Variants in SLC24A3 observed in about 807,000 individuals in gnomAD.
SLC24A3 encodes the protein solute carrier family 24 member 3.
A neutral mutation model predicts 75.8 loss-of-function variants in SLC24A3; 28 were observed. The ratio of observed to expected loss-of-function variants is 0.37; its 90% CI spans 0.27 to 0.51. The LOEUF is 0.51. Among genes scored for constraint, SLC24A3 ranks in the 20% least tolerant of loss-of-function variants. SLC24A3 has a pLI of 0.94. For missense variants in SLC24A3, 663 were observed against 847.8 expected (o/e 0.78, Z 2.71); for synonymous variants, 372 against 334.1 (o/e 1.11, Z -1.24).
At chr20:19,276,754 A>C (rs1983499946) in intron 1 of SLC24A3, among the ~76,000 whole-genome samples, 1 of 151,984 alleles carries the variant, frequency 6.6e-6, no homozygotes, top group South Asian at 2.1e-4. Context: ...AAAATAATAA[A>C]ATTAGCTGGA....
intron 2 of SLC24A3, among the ~76,000 whole-genome samples, chr20:19,332,203 C>A (rs1471098276): frequency 6.6e-6 from 1 of 152,164 alleles, no homozygotes; most frequent in African/African-American, 2.4e-5. Context: ...TTAATGAATT[C>A]ATGTCTCCAT....
chr20:19,525,438 A>C (rs766821165), intron 3 of SLC24A3, among the ~76,000 whole-genome samples: 15 of 152,142 alleles, frequency 9.9e-5, no homozygotes. Flanking sequence ...GGCAGCCCTG[A>C]GGGTCTGTGG....
At chr20:19,271,776 A>G (rs1402079344) in intron 1 of SLC24A3, among the ~76,000 whole-genome samples, 3 of 152,056 alleles carry the variant, frequency 2.0e-5, no homozygotes, top group South Asian at 2.1e-4. Flanking sequence ...CATAAGTGGG[A>G]GCTAAGCTAT....
chr20:19,329,073 A>G (rs1052321641), intron 2 of SLC24A3, among the ~76,000 whole-genome samples: 3 of 152,178 alleles, frequency 2.0e-5, no homozygotes, highest in Non-Finnish European at 4.4e-5. Flanking sequence ...GGACAGGAAG[A>G]GTTGTGGTGC....
intron 2 of SLC24A3, among the ~76,000 whole-genome samples, chr20:19,512,149 G>A (rs941662901): frequency 6.6e-6 from 1 of 152,200 alleles, no homozygotes; most frequent in African/African-American, 2.4e-5. Context: ...AGAGGAGACA[G>A]TTTTGATAGA....
intron 2 of SLC24A3, among the ~76,000 whole-genome samples, chr20:19,337,927 G>A (rs1985173748): frequency 6.6e-6 from 1 of 152,080 alleles, no homozygotes; most frequent in Non-Finnish European, 1.5e-5. Flanking sequence ...TGGTGGCAGG[G>A]GTGGCACAGC....
chr20:19,480,257 G>T (rs1357930342), intron 2 of SLC24A3, among the ~76,000 whole-genome samples: 1 of 152,134 alleles, frequency 6.6e-6, no homozygotes, highest in Non-Finnish European at 1.5e-5. Context: ...AGATGAGTGA[G>T]CTAAGAGAAG....
At chr20:19,419,623 G>A (rs900894137) in intron 2 of SLC24A3, among the ~76,000 whole-genome samples, 3 of 152,098 alleles carry the variant, frequency 2.0e-5, no homozygotes, top group Non-Finnish European at 2.9e-5. Context: ...CCTGAGGGGA[G>A]GGATGTGAAG....
chr20:19,706,899 C>G (rs1278572859), intron 15 of SLC24A3, among the ~76,000 whole-genome samples: 1 of 152,130 alleles, frequency 6.6e-6, no homozygotes, highest in African/African-American at 2.4e-5. Context: ...TGCTAAGTAA[C>G]AAAAGGCATG....
intron 2 of SLC24A3, among the ~76,000 whole-genome samples, chr20:19,498,673 T>G (rs1433951531): frequency 6.6e-6 from 1 of 152,110 alleles, no homozygotes; most frequent in Non-Finnish European, 1.5e-5. Flanking sequence ...GTGAGATAAA[T>G]AGTGGCAGAT....
chr20:19,349,405 G>A (rs1423271241), intron 2 of SLC24A3, among the ~76,000 whole-genome samples: 2 of 152,148 alleles, frequency 1.3e-5, no homozygotes, highest in African/African-American at 4.8e-5. Context: ...TACTTAGTAT[G>A]TATTATCAGA....
chr20:19,660,015 A>G (rs779576033), intron 7 of SLC24A3, among the ~76,000 whole-genome samples: 1 of 152,166 alleles, frequency 6.6e-6, no homozygotes, highest in Non-Finnish European at 1.5e-5. Flanking sequence ...AAGTCTGTCC[A>G]TCACCGGCAG....
chr20:19,517,069 A>G (rs547867225), intron 3 of SLC24A3, among the ~76,000 whole-genome samples: 1 of 152,308 alleles, frequency 6.6e-6, no homozygotes, highest in South Asian at 2.1e-4. Context: ...ACATTCTCTA[A>G]AAATACCAAA....
intron 1 of SLC24A3, chr20:19,213,237 G>C (rs955903018): frequency 3.0e-5 from 8 of 266,956 alleles, no homozygotes; most frequent in African/African-American, 1.8e-4. Flanking sequence ...ACCTGTGCCC[G>C]CCTGTGCGCT....
At chr20:19,458,717 T>G (rs1388969923) in intron 2 of SLC24A3, among the ~76,000 whole-genome samples, 1 of 152,224 alleles carries the variant, frequency 6.6e-6, no homozygotes, top group Non-Finnish European at 1.5e-5. Flanking sequence ...ATATTCCATT[T>G]TATATACATC....
At chr20:19,213,461 G>C (rs1166748244) in intron 1 of SLC24A3, 3 of 152,592 alleles carry the variant, frequency 2.0e-5, no homozygotes, top group Non-Finnish European at 2.9e-5. Flanking sequence ...GGGATGGCCC[G>C]AGTAGAGAGC....
At chr20:19,382,579 G>T (rs1986200673) in intron 2 of SLC24A3, among the ~76,000 whole-genome samples, 1 of 152,086 alleles carries the variant, frequency 6.6e-6, no homozygotes, top group South Asian at 2.1e-4. Flanking sequence ...TCAAGCCCTG[G>T]GTGTAACGAG....
intron 1 of SLC24A3, among the ~76,000 whole-genome samples, chr20:19,233,969 C>T (rs1355798530): frequency 1.3e-5 from 2 of 152,220 alleles, no homozygotes; most frequent in Non-Finnish European, 2.9e-5. Flanking sequence ...CTCTAGCCTC[C>T]TGAAAGATGC....
chr20:19,217,044 C>T (rs928721744), intron 1 of SLC24A3, among the ~76,000 whole-genome samples: 2 of 152,218 alleles, frequency 1.3e-5, no homozygotes, highest in East Asian at 1.9e-4. Flanking sequence ...CCTCTCCATG[C>T]GATCTCTTTA....
Sources: allele counts gnomAD v4.1 joint callset (sites outside exome capture counted in the v4.1 genomes callset), GRCh38; gene constraint gnomAD v4.1.1; transcripts MANE v1.5; gene names NCBI Gene and HGNC (gene_info 2026-07-23, HGNC 2026-07-21).